BMAL1: variants seen among roughly 807,000 people sequenced by gnomAD.
The protein encoded by BMAL1 is basic helix-loop-helix ARNT like 1.
chr11:13,348,665 A>G, the BMAL1 span, among the ~76,000 whole-genome samples: 1 of 152,280 alleles, frequency 6.6e-6, no homozygotes, highest in East Asian at 1.9e-4. Context: ...TTTCATATCT[A>G]TTTGCTGCTG....
chr11:13,353,635 T>C, the BMAL1 span: 2 of 152,172 alleles, frequency 1.3e-5, no homozygotes, highest in African/African-American at 2.4e-5. Flanking sequence ...CTGGCCAACA[T>C]GGTGAAACCC....
At chr11:13,278,755 G>T in the BMAL1 span, among the ~76,000 whole-genome samples, 1 of 152,264 alleles carries the variant, frequency 6.6e-6, no homozygotes, top group Admixed American at 6.5e-5. Flanking sequence ...GAGTCCCAGA[G>T]CTCCGCGGAG....
the BMAL1 span, chr11:13,365,708 C>A: frequency 1.5e-6 from 1 of 688,620 alleles, no homozygotes; most frequent in South Asian, 2.0e-5. Context: ...CCAGAAAATT[C>A]TTAACTTCTT....
At chr11:13,286,909 T>C in the BMAL1 span, among the ~76,000 whole-genome samples, 1 of 152,202 alleles carries the variant, frequency 6.6e-6, no homozygotes, top group African/African-American at 2.4e-5. Flanking sequence ...AGAGCAGAGC[T>C]GAAAGAGTGT....
At chr11:13,370,428 A>C in the BMAL1 span, among the ~76,000 whole-genome samples, 1 of 152,192 alleles carries the variant, frequency 6.6e-6, no homozygotes, top group Non-Finnish European at 1.5e-5. Context: ...TGGATATCTC[A>C]GGGGAGTCTC....
At chr11:13,385,249 T>A in the BMAL1 span, among the ~76,000 whole-genome samples, 1 of 152,366 alleles carries the variant, frequency 6.6e-6, no homozygotes, top group East Asian at 1.9e-4. Flanking sequence ...GATTTACTTC[T>A]GTTTTCTTCA....
the BMAL1 span, among the ~76,000 whole-genome samples, chr11:13,361,239 C>T: frequency 1.4e-4 from 22 of 152,256 alleles, no homozygotes; most frequent in African/African-American, 4.1e-4. Context: ...TGAGGTGGCA[C>T]TATGGGAACC....
At chr11:13,379,382 A>G in the BMAL1 span, 12 of 152,280 alleles carry the variant, frequency 7.9e-5, no homozygotes, top group East Asian at 1.5e-3. Context: ...CTGTTTTCCA[A>G]TTGGCCATAA....
chr11:13,378,592 A>G, the BMAL1 span: 3 of 1,071,042 alleles, frequency 2.8e-6, no homozygotes, highest in Non-Finnish European at 2.7e-6. Context: ...TCCTGTGGAT[A>G]GAGACCAGGG....
the BMAL1 span, among the ~76,000 whole-genome samples, chr11:13,282,336 T>C: frequency 6.6e-6 from 1 of 152,224 alleles, no homozygotes; most frequent in African/African-American, 2.4e-5. Flanking sequence ...GTGGATTAAA[T>C]GAGTTAAAGC....
the BMAL1 span, among the ~76,000 whole-genome samples, chr11:13,314,262 C>A: frequency 3.6e-4 from 55 of 151,932 alleles, 1 homozygote; most frequent in East Asian, 0.011. Context: ...CACACACACA[C>A]ACACACACAC....
chr11:13,307,448 T>C, the BMAL1 span, among the ~76,000 whole-genome samples: 4 of 152,058 alleles, frequency 2.6e-5, no homozygotes, highest in African/African-American at 9.7e-5. Flanking sequence ...ACAGCATCAG[T>C]GAGGTGGAGA....
At chr11:13,339,698 ACATCTGT>A in the BMAL1 span, among the ~76,000 whole-genome samples, 1 of 151,970 alleles carries the variant, frequency 6.6e-6, no homozygotes, top group African/African-American at 2.4e-5. Context: ...TGCCTGGAAC[ACATCTGT>A]CACCTCTCAC....
At chr11:13,356,456 A>G in the BMAL1 span, 3 of 583,346 alleles carry the variant, frequency 5.1e-6, no homozygotes, top group Middle Eastern at 3.1e-4. Context: ...CATATTCCCA[A>G]TTTTCAAACA....
chr11:13,314,192 G>T, the BMAL1 span, among the ~76,000 whole-genome samples: 1 of 148,738 alleles, frequency 6.7e-6, no homozygotes, highest in Non-Finnish European at 1.5e-5. Context: ...TTACTTACCT[G>T]TTATGCTCAG....
chr11:13,314,984 G>T, the BMAL1 span, among the ~76,000 whole-genome samples: 3 of 152,204 alleles, frequency 2.0e-5, no homozygotes, highest in Admixed American at 6.5e-5. Flanking sequence ...TTTTCATTCA[G>T]TGCCTTAAGC....
chr11:13,366,704 C>A, the BMAL1 span: 1 of 1,614,072 alleles, frequency 6.2e-7, no homozygotes. Context: ...CTACCTGCAT[C>A]CTAAAGATAT....
chr11:13,368,181 T>C, the BMAL1 span, among the ~76,000 whole-genome samples: 7 of 152,212 alleles, frequency 4.6e-5, no homozygotes, highest in East Asian at 1.2e-3. Context: ...GTCAGAGAAA[T>C]GAGACAGACA....
chr11:13,329,351 A>G, the BMAL1 span, among the ~76,000 whole-genome samples: 1 of 152,186 alleles, frequency 6.6e-6, no homozygotes, highest in African/African-American at 2.4e-5. Flanking sequence ...AAATCTGACC[A>G]CATATTAGTT....
Sources: allele counts gnomAD v4.1 joint callset (sites outside exome capture counted in the v4.1 genomes callset), GRCh38; gene constraint gnomAD v4.1.1; transcripts MANE v1.5; gene names NCBI Gene and HGNC (gene_info 2026-07-23, HGNC 2026-07-21).